The following LRCH2 variants were observed in gnomAD, a reference collection of about 807,000 sequenced individuals.
LRCH2 encodes leucine-rich repeat and calponin homology domain-containing protein 2.
A neutral mutation model predicts 68.9 loss-of-function variants in LRCH2; 38 were observed. The observed-to-expected ratio is 0.55, with a 90% CI of 0.43 to 0.72. The LOEUF (loss-of-function observed/expected upper bound fraction) is 0.72, where lower values mean the gene tolerates loss of function less well. LRCH2 is among the 30% of genes least tolerant of loss of function. The probability of loss-of-function intolerance (pLI) is 0.00; values close to 1 mark genes in which losing one functional copy is unlikely to be tolerated. For missense variants in LRCH2, 528 were observed against 572.9 expected, an observed-to-expected ratio of 0.92 and a Z score of 0.80; for synonymous variants, 191 against 208.1, an observed-to-expected ratio of 0.92 and a Z score of 0.71.
At chrX:115,159,453 T>C (rs782211198) in intron 11 of LRCH2, among the ~76,000 whole-genome samples, 208 of 109,376 alleles carry the variant, frequency 1.9e-3, no homozygotes, top group Middle Eastern at 0.014. Flanking sequence ...TGTTTATCAA[T>C]TAAAAAAAAA....
At chrX:115,155,456 GA>G (rs1329362272) in intron 12 of LRCH2, among the ~76,000 whole-genome samples, 2 of 109,353 alleles carry the variant, frequency 1.8e-5, no homozygotes, top group African/African-American at 6.7e-5. Flanking sequence ...TTTAAAAAAA[GA>G]AAAAAAAGTT....
chrX:115,191,610 C>T, intron 1 of LRCH2: 3 of 1,088,159 alleles, frequency 2.8e-6, no homozygotes, highest in Non-Finnish European at 3.7e-6. Context: ...GCGGAGGCCG[C>T]TCGCCTGACA....
Position 115,111,359 on chromosome X carries a change from C to T in LRCH2, c.*1857G>A, listed in dbSNP as rs1246122607. ...ACAGGACAACACTTGTAAAATAATTCATACTAGATTGATTAATCAGAGACT... is the reference window on the plus strand; with the variant it reads ...ACAGGACAACACTTGTAAAATAATTTATACTAGATTGATTAATCAGAGACT... On this transcript the variant is annotated 3_prime_UTR_variant, in exon 21 of 21. Transcript: ENST00000317135. The T allele has an allele frequency of 2.7e-5, 3 of 110,596 alleles. No individual in the cohort carries two copies. Among genetic ancestry groups the T allele is most frequent in the Non-Finnish European group, 5.7e-5 (3 of 52,908 alleles). The allele number at this position is 110,596 out of a possible 1,213,427, so 9.1% of individuals were successfully genotyped here.
At position 115,141,195 on chromosome X, in the gene LRCH2, G is replaced by A. The variant is rs186716799; in HGVS notation, c.1695+8632C>T. ...GGAGCTTGCAGTGAGCCGAGATCACGCCACTGGGTGACAGAGCAAGACTCT... is the reference window on the plus strand; with the variant it reads ...GGAGCTTGCAGTGAGCCGAGATCACACCACTGGGTGACAGAGCAAGACTCT... On this transcript the variant is annotated intron_variant, in intron 14 of 20. Transcript: ENST00000317135. Among the ~76,000 whole-genome samples, 100 of 106,530 alleles carry A rather than the reference G, an allele frequency of 9.4e-4. 1 individual carries two copies. The highest frequency in any genetic ancestry group is 3.1e-3 in the African/African-American group (91 of 29,052). 92.5% of individuals were successfully genotyped at this position (106,530 alleles called of 115,157 possible). A position where few individuals can be genotyped will look rare whatever the true frequency, so the allele number is the denominator to read the frequency against.
intron 8 of LRCH2, 65 bp downstream of exon 8, chrX:115,165,776 T>C (rs2072554461): frequency 1.0e-6 from 1 of 968,021 alleles, no homozygotes; most frequent in Admixed American, 3.3e-5. Flanking sequence ...ATATAATTTT[T>C]CAAAGCCCAT....
chrX:115,189,585 G>T, intron 1 of LRCH2: 1 of 1,171,046 alleles, frequency 8.5e-7, no homozygotes, highest in East Asian at 3.2e-5. Flanking sequence ...CCAACAAGTC[G>T]AGGGGCTTCG....
intron 14 of LRCH2, chrX:115,138,904 A>G (rs782110604): frequency 1.8e-5 from 2 of 112,333 alleles, no homozygotes; most frequent in South Asian, 7.4e-4. Flanking sequence ...ATTCTGAATT[A>G]CTGAAGTTTT....
In LRCH2 at chrX:115,165,922, A is replaced by G. The variant is rs1556544697; in HGVS notation, c.1117T>C (p.Ser373Pro). 1 of 1,165,843 alleles carries G rather than the reference A, an allele frequency of 8.6e-7. No homozygotes were observed. ...PSDDDTVSLH[S>P]QVSESNREQT... ...TCTCTATTTGATTCTGAGACTTGAGAATGAAGGCTGACTGTGTCATCATCT... is the reference window on the plus strand; with the variant it reads ...TCTCTATTTGATTCTGAGACTTGAGGATGAAGGCTGACTGTGTCATCATCT... Residue 373 changes from serine (S) to proline (P), a missense_variant, in exon 8 of 21, where the codon TCT becomes CCT. Physicochemically the swap from Ser to Pro is moderately conservative, Grantham distance 74 (BLOSUM62 -1). Transcript: ENST00000317135.
intron 1 of LRCH2, among the ~76,000 whole-genome samples, chrX:115,217,269 G>A (rs1055194647): frequency 1.8e-5 from 2 of 111,098 alleles, no homozygotes; most frequent in Non-Finnish European, 3.8e-5. Context: ...GGGATACATG[G>A]GCAGAACGTG....
intron 14 of LRCH2, among the ~76,000 whole-genome samples, chrX:115,138,336 C>A (rs1415468485): frequency 9.0e-6 from 1 of 111,561 alleles, no homozygotes; most frequent in Non-Finnish European, 1.9e-5. Flanking sequence ...TAGATCATAC[C>A]CTTTTTTGTT....
intron 14 of LRCH2, among the ~76,000 whole-genome samples, chrX:115,132,335 G>C (rs1422107595): frequency 3.6e-5 from 4 of 111,616 alleles, no homozygotes; most frequent in Non-Finnish European, 7.5e-5. Flanking sequence ...TTATTAAATA[G>C]GGAATCCTTT....
intron 14 of LRCH2, among the ~76,000 whole-genome samples, chrX:115,133,389 G>T (rs782783540): frequency 8.9e-6 from 1 of 112,122 alleles, no homozygotes; most frequent in Non-Finnish European, 1.9e-5. Flanking sequence ...GGCCCAAGGT[G>T]TCCTGCAAGC....
chrX:115,182,603 G>C (rs1324189222), intron 3 of LRCH2, among the ~76,000 whole-genome samples: 3 of 111,055 alleles, frequency 2.7e-5, no homozygotes. Flanking sequence ...GGAGACCGAG[G>C]CAGGTGGATC....
At chrX:115,203,604 G>A (rs1488418747) in intron 1 of LRCH2, among the ~76,000 whole-genome samples, 9 of 112,132 alleles carry the variant, frequency 8.0e-5, no homozygotes, top group African/African-American at 2.9e-4. Flanking sequence ...AAAATCAAAG[G>A]GCCTCAGGCC....
In LRCH2 at chrX:115,192,465, C is replaced by T. The variant is rs1556561367; in HGVS notation, c.350-4095G>A. ...GATCCAGCAACAGTTACGGCCGGAG[C>T]GACCGCTACTCGAGGGGTCGAGACC... On this transcript the variant is annotated intron_variant, in intron 1 of 20. Transcript: ENST00000317135. The T allele has an allele frequency of 2.6e-6, 3 of 1,168,915 alleles. No individual in the cohort carries two copies. The African/African-American group carries it at 5.3e-5, about 21-fold the overall frequency.
At chrX:115,226,747 A>G (rs1236716327) in intron 1 of LRCH2, among the ~76,000 whole-genome samples, 1 of 111,429 alleles carries the variant, frequency 9.0e-6, no homozygotes, top group African/African-American at 3.3e-5. Flanking sequence ...AAGGGGGCCT[A>G]GGGTGAATAA....
In LRCH2 at chrX:115,234,000, G is replaced by A; in HGVS notation, c.42C>T (p.Gly14=). Residue 14 remains glycine, a synonymous_variant, in exon 1 of 21, where the codon GGC becomes GGT. Coordinates refer to ENST00000317135, the MANE Select transcript of LRCH2 (RefSeq NM_020871.4). Reference sequence around the variant, plus strand: ...CGCTACTTCCACCTCCACCACAACCGCCGCCCCCACTGTTACCGCCTCCTC... The same window carrying A: ...CGCTACTTCCACCTCCACCACAACCACCGCCCCCACTGTTACCGCCTCCTC... ...SQGGGGNSGG[G]GCGGGGSSGG... is the part of the protein sequence containing the mutation. 1.7e-6 allele frequency: 2 copies of A among 1,147,392 alleles called. No individual in the cohort carries two copies. Among genetic ancestry groups the A allele is most frequent in the South Asian group, 1.9e-5 (1 of 52,010 alleles). 94.6% of individuals were successfully genotyped at this position (1,147,392 alleles called of 1,213,427 possible). A position where few individuals can be genotyped will look rare whatever the true frequency, so the allele number is the denominator to read the frequency against.
intron 1 of LRCH2, chrX:115,190,599 A>C (rs1038984890): frequency 3.5e-4 from 67 of 192,417 alleles, no homozygotes; most frequent in Middle Eastern, 1.5e-3. Flanking sequence ...ACGGAGAAGA[A>C]GGCTGCTACG....
At chrX:115,192,619 AG>A (rs1569516159) in intron 1 of LRCH2, 3 of 1,170,393 alleles carry the variant, frequency 2.6e-6, no homozygotes, top group South Asian at 1.9e-5. Context: ...CCGCTTCGAG[AG>A]GGGGGAAGGC....
Sources: allele counts gnomAD v4.1 joint callset (sites outside exome capture counted in the v4.1 genomes callset), GRCh38; gene constraint gnomAD v4.1.1; transcripts MANE v1.5; gene names NCBI Gene and HGNC (gene_info 2026-07-23, HGNC 2026-07-21).